Variants in SH3D19 observed in about 807,000 individuals in gnomAD.
The protein encoded by SH3D19 is SH3 domain-containing protein 19.
Under a neutral mutation model 112.1 loss-of-function variants are expected in SH3D19, and 58 were observed. That is an observed-to-expected ratio of 0.52 (90% confidence interval 0.42 to 0.64). The LOEUF (loss-of-function observed/expected upper bound fraction) is 0.64, where lower values mean the gene tolerates loss of function less well. SH3D19 is among the 30% of genes least tolerant of loss of function. The pLI, the probability that SH3D19 is intolerant of heterozygous loss-of-function variation, is 0.00. For missense variants in SH3D19, 1,090 were observed against 1,263.4 expected (o/e 0.86, Z 2.08); for synonymous variants, 391 against 448.5 (o/e 0.87, Z 1.62).
intron 1 of SH3D19, among the ~76,000 whole-genome samples, chr4:151,264,512 A>T (rs1772626022): frequency 6.6e-6 from 1 of 152,112 alleles, no homozygotes; most frequent in Admixed American, 6.6e-5. Context: ...TAGTAAGTCA[A>T]CAAGGTGTGA....
In SH3D19 at chr4:151,325,457, G is replaced by A. The variant is rs1004307509; in HGVS notation, c.-105C>T. 2.1e-6 allele frequency: 1 copy of A among 475,576 alleles called. No homozygotes were observed. Among genetic ancestry groups the A allele is most frequent in the Non-Finnish European group, 3.2e-6 (1 of 317,220 alleles). 29.5% of individuals were successfully genotyped at this position (475,576 alleles called of 1,614,324 possible). On this transcript the variant is annotated 5_prime_UTR_variant, in exon 1 of 20. Coordinates refer to ENST00000604030, the MANE Select transcript of SH3D19 (RefSeq NM_001378122.1). Reference sequence around the variant, plus strand: ...CACGCCACCGCCCTCGGGCCGGGGGGAAGGCGGCTCCCGGAGAGGAGGCGT... The same window carrying A: ...CACGCCACCGCCCTCGGGCCGGGGGAAAGGCGGCTCCCGGAGAGGAGGCGT...
At chr4:151,273,589 C>CAAA (rs60600816) in intron 1 of SH3D19, among the ~76,000 whole-genome samples, 1,233 of 63,870 alleles carry the variant, frequency 0.019, 65 homozygotes, top group South Asian at 0.032. Flanking sequence ...GACTCCATCT[C>CAAA]AAAAAAAAAA....
intron 1 of SH3D19, among the ~76,000 whole-genome samples, chr4:151,282,880 CATT>C (rs1774386259): frequency 6.6e-6 from 1 of 151,990 alleles, no homozygotes; most frequent in Non-Finnish European, 1.5e-5. Flanking sequence ...CGGAAGTACT[CATT>C]ATTTAGAACA....
intron 1 of SH3D19, among the ~76,000 whole-genome samples, chr4:151,293,550 G>A (rs1775504589): frequency 6.6e-6 from 1 of 151,870 alleles, no homozygotes; most frequent in Non-Finnish European, 1.5e-5. Context: ...TGGGTTAGTA[G>A]CATCTGGATT....
intron 1 of SH3D19, among the ~76,000 whole-genome samples, chr4:151,293,530 T>A (rs1030771650): frequency 2.0e-5 from 3 of 152,194 alleles, no homozygotes; most frequent in Non-Finnish European, 4.4e-5. Context: ...TAACCCTTAT[T>A]AACCCCACCT....
intron 2 of SH3D19, among the ~76,000 whole-genome samples, chr4:151,214,468 C>CT (rs1766606752): frequency 1.0e-5 from 1 of 96,492 alleles, no homozygotes; most frequent in African/African-American, 3.1e-5. Context: ...GGGCTGACCC[C>CT]CCACCTCCCT....
At chr4:151,267,839 A>C (rs1772927928) in intron 1 of SH3D19, among the ~76,000 whole-genome samples, 3 of 152,264 alleles carry the variant, frequency 2.0e-5, no homozygotes, top group African/African-American at 2.4e-5. Flanking sequence ...GTTTCAAGCA[A>C]GTAGGATGGT....
chr4:151,179,531 A>C, intron 3 of SH3D19, 134 bp from the exon 4 acceptor site: 1 of 288,628 alleles, frequency 3.5e-6, no homozygotes, highest in Non-Finnish European at 5.6e-6. Context: ...AATATCCTTA[A>C]AAAAAAGTAA....
intron 2 of SH3D19, among the ~76,000 whole-genome samples, chr4:151,207,180 T>C (rs549797296): frequency 1.3e-5 from 2 of 152,222 alleles, no homozygotes; most frequent in Non-Finnish European, 2.9e-5. Context: ...ATGCATGAGA[T>C]AAGATTTAGT....
chr4:151,238,949 TACAA>T (rs780140129), intron 1 of SH3D19, among the ~76,000 whole-genome samples: 4 of 152,110 alleles, frequency 2.6e-5, no homozygotes, highest in South Asian at 2.1e-4. Context: ...GATACAGAAA[TACAA>T]ACAAAGAGAA....
chr4:151,132,725 T>C (rs1750984072), intron 16 of SH3D19, among the ~76,000 whole-genome samples: 1 of 152,236 alleles, frequency 6.6e-6, no homozygotes, highest in South Asian at 2.1e-4. Flanking sequence ...AGCCTTGAAC[T>C]CCTGGTCTCA....
chr4:151,193,195 G>A (rs1405764792), intron 2 of SH3D19, among the ~76,000 whole-genome samples: 1 of 151,890 alleles, frequency 6.6e-6, no homozygotes, highest in Admixed American at 6.6e-5. Context: ...TGTTTAGTTG[G>A]ACTCAGTTGC....
At chr4:151,238,854 A>G (rs1734346409) in intron 1 of SH3D19, among the ~76,000 whole-genome samples, 1 of 152,150 alleles carries the variant, frequency 6.6e-6, no homozygotes, top group African/African-American at 2.4e-5. Flanking sequence ...TTCTCTGTAC[A>G]ACACAACGTC....
At chr4:151,313,064 G>T (rs1305280202) in intron 1 of SH3D19, among the ~76,000 whole-genome samples, 3 of 145,536 alleles carry the variant, frequency 2.1e-5, no homozygotes, top group Non-Finnish European at 4.5e-5. Flanking sequence ...ACTCCAGCCT[G>T]GGCAATGAGC....
rs376194040 is a variant in SH3D19 at position 151,128,251 on chromosome 4, G to A, written c.2848C>T (p.Arg950Cys). 6.2e-6 allele frequency: 10 copies of A among 1,614,084 alleles called. No individual in the cohort carries two copies. Among genetic ancestry groups the A allele is most frequent in the Non-Finnish European group, 7.6e-6 (9 of 1,179,974 alleles). Reference sequence around the variant, plus strand: ...CCCCTGCACCAGTCAGAATCCAGACGTTCCAGAATCTGGATCCGGTCTCCC... The same window carrying A: ...CCCCTGCACCAGTCAGAATCCAGACATTCCAGAATCTGGATCCGGTCTCCC... Reference protein sequence around the residue: ...KRGDRIQILERLDSDWCRGRL... With the variant: ...KRGDRIQILECLDSDWCRGRL... Residue 950 changes from arginine (R) to cysteine (C), a missense_variant, in exon 18 of 20, where the codon CGT becomes TGT. Arg to Cys is a radical substitution (Grantham distance 180, BLOSUM62 -3). Coordinates refer to ENST00000604030, the MANE Select transcript of SH3D19 (RefSeq NM_001378122.1).
intron 1 of SH3D19, among the ~76,000 whole-genome samples, chr4:151,293,473 CAA>C (rs569506630): frequency 4.0e-5 from 4 of 100,870 alleles, no homozygotes; most frequent in Admixed American, 2.3e-4. Context: ...ACTCCGTCTC[CAA>C]AAAAAAAAAA....
intron 2 of SH3D19, among the ~76,000 whole-genome samples, chr4:151,205,949 T>C (rs909760472): frequency 2.6e-5 from 4 of 152,254 alleles, no homozygotes; most frequent in Non-Finnish European, 5.9e-5. Context: ...CAGAGTTCTT[T>C]GCTACTGTGC....
At chr4:151,320,552 T>C (rs566871279) in intron 1 of SH3D19, among the ~76,000 whole-genome samples, 15 of 152,034 alleles carry the variant, frequency 9.9e-5, no homozygotes, top group African/African-American at 3.6e-4. Context: ...TATACTGAAA[T>C]GAAGAATTTC....
chr4:151,176,181 C>G (rs904999627), intron 6 of SH3D19, among the ~76,000 whole-genome samples: 1 of 152,172 alleles, frequency 6.6e-6, no homozygotes, highest in Non-Finnish European at 1.5e-5. Flanking sequence ...TTTAAAAAAG[C>G]CTAACAGGAC....
Sources: allele counts gnomAD v4.1 joint callset (sites outside exome capture counted in the v4.1 genomes callset), GRCh38; gene constraint gnomAD v4.1.1; transcripts MANE v1.5; gene names NCBI Gene and HGNC (gene_info 2026-07-23, HGNC 2026-07-21).